The following ELF2 variants were observed in gnomAD, a reference collection of about 807,000 sequenced individuals.
ELF2 encodes ETS-related transcription factor Elf-2.
A neutral mutation model predicts 54.8 loss-of-function variants in ELF2; 11 were observed. The observed-to-expected ratio is 0.20, with a 90% CI of 0.13 to 0.33. The LOEUF (loss-of-function observed/expected upper bound fraction) is 0.33. Among genes scored for constraint, ELF2 ranks in the 10% least tolerant of loss-of-function variants. ELF2 has a pLI of 1.00. For missense variants in ELF2, 513 were observed against 703.0 expected (o/e 0.73, Z 3.06); for synonymous variants, 203 against 245.1 (o/e 0.83, Z 1.61).
chr4:139,151,270 A>G (rs1310032081), intron 1 of ELF2, among the ~76,000 whole-genome samples: 3 of 152,118 alleles, frequency 2.0e-5, no homozygotes, highest in Admixed American at 2.0e-4. Context: ...ATGAACTCAC[A>G]ATTAAGAAAA....
intron 4 of ELF2, among the ~76,000 whole-genome samples, chr4:139,082,658 AACT>A (rs2148727807): frequency 6.6e-6 from 1 of 152,266 alleles, no homozygotes; most frequent in South Asian, 2.1e-4. Context: ...TTGCCAAGCA[AACT>A]ACTAATTTCA....
At chr4:139,177,715 G>A (rs1743119841), upstream of ELF2, among the ~76,000 whole-genome samples, 1 of 151,730 alleles carries the variant, frequency 6.6e-6, no homozygotes, top group South Asian at 2.1e-4. Context: ...CCCGCCGGCC[G>A]GGACCGCACG....
intron 4 of ELF2, among the ~76,000 whole-genome samples, chr4:139,088,025 G>A (rs1732178195): frequency 6.6e-6 from 1 of 151,970 alleles, no homozygotes; most frequent in Non-Finnish European, 1.5e-5. Context: ...AGTGGCTCAC[G>A]CCTGTAATCC....
At position 139,059,123 on chromosome 4, in the gene ELF2, C is replaced by T. The variant is rs762044704; in HGVS notation, c.1642G>A (p.Val548Met). ...TCTTCTACTAGCTGCAAAGTTTTCA[C>T]ATCATGTTCTTGCTTTTTTGCCACT... Reference protein sequence around the residue: ...EAVAKKQEHDVKTLQLVEEKP... With the variant: ...EAVAKKQEHDMKTLQLVEEKP... Residue 548 changes from valine to methionine, a missense_variant, in exon 10 of 10, where the codon GTG becomes ATG. Val to Met is a conservative substitution (Grantham distance 21). Around this residue, in one of 3 missense-constraint regions of ELF2, gnomAD observed 291 missense variants for 366.1 expected, o/e 0.79. Transcript: ENST00000686138. The T allele has an allele frequency of 3.1e-6, 5 of 1,613,994 alleles. No individual in the cohort carries two copies. The South Asian group carries it at 4.4e-5, about 14-fold the overall frequency.
At chr4:139,138,538 G>A (rs1023551155) in intron 2 of ELF2, among the ~76,000 whole-genome samples, 12 of 152,110 alleles carry the variant, frequency 7.9e-5, no homozygotes, top group Non-Finnish European at 1.8e-4. Context: ...GTGCCAGACT[G>A]AGAAAACTTT....
intron 1 of ELF2, among the ~76,000 whole-genome samples, chr4:139,168,744 T>A (rs1043778870): frequency 6.6e-6 from 1 of 150,532 alleles, no homozygotes; most frequent in Non-Finnish European, 1.5e-5. Context: ...GTTTTATTTG[T>A]TTTTTTAGAG....
intron 4 of ELF2, among the ~76,000 whole-genome samples, chr4:139,095,012 T>C (rs1156606262): frequency 2.6e-5 from 4 of 152,148 alleles, no homozygotes; most frequent in Admixed American, 6.6e-5. Context: ...TCTTAAATTT[T>C]ATGTGTTAAT....
rs538826298 is a variant in ELF2, at chr4:139,094,511, T to C, written c.239-20944A>G. Among the ~76,000 whole-genome samples the C allele has an allele frequency of 5.3e-5, 8 of 152,326 alleles. No homozygotes were observed. The East Asian group carries it at 1.3e-3, about 26-fold the overall frequency. On this transcript the variant is annotated intron_variant, in intron 4 of 9. Coordinates refer to ENST00000686138, the MANE Select transcript of ELF2 (RefSeq NM_001331036.3). ...CGTGGTGGATGTTTAAAAGGGGTAC[T>C]CTGCAGCAGTTTGAGCAACAAATAA...
intron 4 of ELF2, among the ~76,000 whole-genome samples, chr4:139,111,459 C>G (rs933475285): frequency 1.3e-5 from 2 of 150,704 alleles, no homozygotes; most frequent in Non-Finnish European, 2.9e-5. Context: ...CAAGGAGTAG[C>G]TGGGACTACA....
At chr4:139,099,322 C>A (rs1272035111) in intron 4 of ELF2, among the ~76,000 whole-genome samples, 1 of 152,178 alleles carries the variant, frequency 6.6e-6, no homozygotes, top group Non-Finnish European at 1.5e-5. Context: ...ATGATGTGTT[C>A]TCATTAATAA....
intron 3 of ELF2, among the ~76,000 whole-genome samples, chr4:139,130,297 CA>C (rs1737364080): frequency 6.6e-6 from 1 of 152,132 alleles, no homozygotes; most frequent in African/African-American, 2.4e-5. Context: ...AACTGTAACA[CA>C]ATAAATTTCT....
chr4:139,119,449 G>T (rs1388828873), intron 4 of ELF2, among the ~76,000 whole-genome samples: 1 of 152,204 alleles, frequency 6.6e-6, no homozygotes, highest in Non-Finnish European at 1.5e-5. Flanking sequence ...GCGTACCTTA[G>T]CAGGATATTA....
intron 4 of ELF2, among the ~76,000 whole-genome samples, chr4:139,114,260 T>C (rs958411786): frequency 2.0e-5 from 3 of 152,154 alleles, no homozygotes; most frequent in African/African-American, 7.2e-5. Flanking sequence ...TTAAATGTCC[T>C]CTCTTAAAAG....
At chr4:139,137,604 G>T in intron 3 of ELF2, 26 bp downstream of exon 3, 1 of 1,604,020 alleles carries the variant, frequency 6.2e-7, no homozygotes. Context: ...GAAGAAAATA[G>T]AAATGTAATT....
At chr4:139,112,464 T>C (rs1402641238) in intron 4 of ELF2, among the ~76,000 whole-genome samples, 1 of 152,230 alleles carries the variant, frequency 6.6e-6, no homozygotes, top group East Asian at 1.9e-4. Flanking sequence ...GGCTGGGACA[T>C]TGCAGGTCCT....
At chr4:139,075,810 C>T (rs1323511634) in intron 4 of ELF2, among the ~76,000 whole-genome samples, 2 of 152,140 alleles carry the variant, frequency 1.3e-5, no homozygotes, top group African/African-American at 4.8e-5. Flanking sequence ...ATTTTATTAT[C>T]TTAATAATAT....
At chr4:139,130,141 C>A (rs1737345617) in intron 3 of ELF2, among the ~76,000 whole-genome samples, 1 of 151,972 alleles carries the variant, frequency 6.6e-6, no homozygotes, top group South Asian at 2.1e-4. Context: ...AGGGAGAACA[C>A]CATCTACAAG....
At chr4:139,122,723 G>A (rs934819662) in intron 4 of ELF2, among the ~76,000 whole-genome samples, 8 of 151,374 alleles carry the variant, frequency 5.3e-5, no homozygotes, top group Admixed American at 2.0e-4. Flanking sequence ...GGATGGTCTC[G>A]ATCTCTTGAC....
At chr4:139,154,014 T>C (rs899093155) in intron 1 of ELF2, among the ~76,000 whole-genome samples, 7 of 152,208 alleles carry the variant, frequency 4.6e-5, no homozygotes, top group African/African-American at 1.4e-4. Context: ...AAACCCTCTT[T>C]GGAAAAAGCA....
Sources: allele counts gnomAD v4.1 joint callset (sites outside exome capture counted in the v4.1 genomes callset), GRCh38; gene constraint gnomAD v4.1.1; regional missense constraint gnomAD v4.1.1; transcripts MANE v1.5; gene names NCBI Gene and HGNC (gene_info 2026-07-23, HGNC 2026-07-21).